MAP3K13: variants seen among roughly 807,000 people sequenced by gnomAD.
MAP3K13 encodes mitogen-activated protein kinase kinase kinase 13, also known as leucine zipper-bearing kinase.
MAP3K13 carries 52 observed loss-of-function variants against 104.0 expected under a neutral mutation model. That is an observed-to-expected ratio of 0.50 (90% CI 0.40 to 0.63). The LOEUF (loss-of-function observed/expected upper bound fraction) is 0.63. Among genes scored for constraint, MAP3K13 ranks in the 20% least tolerant of loss-of-function variants. The pLI is 0.00. For synonymous variants in MAP3K13, 394 were observed against 442.2 expected (o/e 0.89, Z 1.37); for missense variants, 914 against 1,218.5 (o/e 0.75, Z 3.72).
At chr3:185,396,994 A>G (rs1407955719) in intron 1 of MAP3K13, among the ~76,000 whole-genome samples, 1 of 151,974 alleles carries the variant, frequency 6.6e-6, no homozygotes, top group African/African-American at 2.4e-5. Context: ...TTCTATACCT[A>G]GAGGATGACA....
At chr3:185,324,628 T>G (rs1159313853) in intron 2 of MAP3K13, among the ~76,000 whole-genome samples, 1 of 152,162 alleles carries the variant, frequency 6.6e-6, no homozygotes, top group Non-Finnish European at 1.5e-5. Flanking sequence ...ATGCTTTCTT[T>G]TCTAATGTTC....
chr3:185,378,321 G>A (rs1485316741), intron 1 of MAP3K13, among the ~76,000 whole-genome samples: 1 of 152,132 alleles, frequency 6.6e-6, no homozygotes, highest in Admixed American at 6.5e-5. Flanking sequence ...GCATCTCAGG[G>A]TTGCTGCCAA....
chr3:185,313,199 A>AAAAAAAAAG (rs1721553265), intron 2 of MAP3K13, among the ~76,000 whole-genome samples: 1 of 148,910 alleles, frequency 6.7e-6, no homozygotes. Flanking sequence ...AAAAAAAAAA[A>AAAAAAAAAG]GGGGAAAATG....
At chr3:185,428,463 G>A (rs1313584735) in intron 1 of MAP3K13, 34 bp from the exon 2 acceptor site, 1 of 1,357,824 alleles carries the variant, frequency 7.4e-7, no homozygotes, top group African/African-American at 1.5e-5. Context: ...ACTAAAGAAA[G>A]GATGATCTCT....
chr3:185,418,151 T>A lies in MAP3K13; in HGVS notation c.-85-10346T>A. On this transcript the variant is annotated intron_variant, in intron 1 of 13. Transcript: ENST00000265026. The surrounding 1 kb of genome is among the most constrained non-coding windows in gnomAD (Gnocchi z 4.5). Reference sequence around the variant, plus strand: ...ATGATACCATTATCCTCATTATAGATGATGCACAGGCCCCTGCGCTGGATA... The same window carrying A: ...ATGATACCATTATCCTCATTATAGAAGATGCACAGGCCCCTGCGCTGGATA... The A allele has an allele frequency of 6.2e-7, 1 of 1,609,304 alleles. No individual in the cohort carries two copies. Among genetic ancestry groups the A allele is most frequent in the African/African-American group, 1.3e-5 (1 of 74,924 alleles).
intron 1 of MAP3K13, among the ~76,000 whole-genome samples, chr3:185,421,601 G>T (rs1406048921): frequency 1.3e-5 from 2 of 151,916 alleles, no homozygotes; most frequent in Admixed American, 6.6e-5. Flanking sequence ...CAAAAATCTT[G>T]CCCCACTTCC....
chr3:185,393,967 G>A (rs1018297001), intron 1 of MAP3K13, among the ~76,000 whole-genome samples: 4 of 152,154 alleles, frequency 2.6e-5, no homozygotes, highest in Admixed American at 6.5e-5. Context: ...TAGCAAGGAG[G>A]AATGAAAGAG....
intron 13 of MAP3K13, among the ~76,000 whole-genome samples, chr3:185,480,929 T>C (rs967767160): frequency 1.3e-5 from 2 of 152,152 alleles, no homozygotes; most frequent in African/African-American, 4.8e-5. Context: ...ACTCCCATGA[T>C]CTAGTCACTT....
At chr3:185,461,519 G>A (rs1717100239) in intron 7 of MAP3K13, among the ~76,000 whole-genome samples, 1 of 151,822 alleles carries the variant, frequency 6.6e-6, no homozygotes, top group Admixed American at 6.6e-5. Context: ...TTCTATTATT[G>A]TTGTACACTT....
chr3:185,488,182 A>G lies in MAP3K13; in HGVS notation c.*5726A>G, dbSNP rs992010882. On this transcript the variant is annotated 3_prime_UTR_variant, in exon 14 of 14. Transcript: ENST00000265026. The stretch of plus-strand genomic sequence containing the variant: ...TTAGACTCTGTGAGACTCATGTACC[A>G]AAACAATGTGACATTCTTTTCGAGA... 4.6e-5 allele frequency: 7 copies of G among 152,248 alleles called. No individual in the cohort carries two copies. The highest frequency in any genetic ancestry group is 9.6e-5 in the African/African-American group (4 of 41,470). The allele number at this position is 152,248 out of a possible 1,614,324, so 9.4% of individuals were successfully genotyped here. A position where few individuals can be genotyped will look rare whatever the true frequency, so the allele number is the denominator to read the frequency against.
chr3:185,444,008 A>G (rs1715463291), intron 4 of MAP3K13, among the ~76,000 whole-genome samples: 1 of 152,222 alleles, frequency 6.6e-6, no homozygotes, highest in Non-Finnish European at 1.5e-5. Context: ...ACTGAGTTTC[A>G]GAAATGTATA....
intron 2 of MAP3K13, among the ~76,000 whole-genome samples, chr3:185,326,066 T>C (rs1722031876): frequency 6.6e-6 from 1 of 152,182 alleles, no homozygotes; most frequent in Admixed American, 6.5e-5. Flanking sequence ...GTCCTGAATA[T>C]TGAGTTTTCC....
chr3:185,359,004 T>C (rs1362026492), upstream of MAP3K13, among the ~76,000 whole-genome samples: 1 of 152,222 alleles, frequency 6.6e-6, no homozygotes, highest in African/African-American at 2.4e-5. Flanking sequence ...GGGTCACTAA[T>C]AGATATTTTT....
rs1268459277 is a variant in MAP3K13 at position 185,455,681 on chromosome 3, GATAT to G, written c.1278+4293_1278+4296del. Among the ~76,000 whole-genome samples the G allele has an allele frequency of 9.8e-4, 8 of 8,174 alleles. 1 individual carries two copies. Among genetic ancestry groups the G allele is most frequent in the African/African-American group, 2.1e-3 (8 of 3,868 alleles). 5.4% of individuals were successfully genotyped at this position (8,174 alleles called of 152,430 possible). On this transcript the variant is annotated intron_variant, in intron 7 of 13. Coordinates refer to ENST00000265026, the MANE Select transcript of MAP3K13 (RefSeq NM_004721.5). ...TGATATATATATGATATATATATGA[GATAT>G]ATATATGATATATATATGAGATATA...
chr3:185,337,665 A>G (rs1025797461), intron 2 of MAP3K13, among the ~76,000 whole-genome samples: 1 of 152,188 alleles, frequency 6.6e-6, no homozygotes, highest in Non-Finnish European at 1.5e-5. Context: ...TATAACTCTA[A>G]TACTTATTAA....
upstream of MAP3K13, among the ~76,000 whole-genome samples, chr3:185,362,307 A>G (rs1238055048): frequency 6.6e-6 from 1 of 152,262 alleles, no homozygotes; most frequent in Non-Finnish European, 1.5e-5. Context: ...AAAATAAAGA[A>G]GAAAGAGATG....
chr3:185,410,039 T>G (rs1416851242), intron 1 of MAP3K13, among the ~76,000 whole-genome samples: 1 of 152,190 alleles, frequency 6.6e-6, no homozygotes, highest in Non-Finnish European at 1.5e-5. Context: ...GAATGTGCAG[T>G]TCACAATAGG....
chr3:185,417,092 A>G (rs949324640), intron 1 of MAP3K13, among the ~76,000 whole-genome samples: 6 of 152,174 alleles, frequency 3.9e-5, no homozygotes, highest in African/African-American at 1.4e-4. Context: ...AAGGAAAAGA[A>G]AAGAAGGAAA....
At chr3:185,464,157 C>T (rs539890739) in intron 8 of MAP3K13, among the ~76,000 whole-genome samples, 2 of 152,150 alleles carry the variant, frequency 1.3e-5, no homozygotes, top group East Asian at 1.9e-4. Context: ...TGGTGGCGCA[C>T]GATGCCTGTG....
Sources: gnomAD v4.1 joint callset for allele counts (sites outside exome capture counted in the v4.1 genomes callset) on GRCh38, gnomAD v4.1.1 for gene constraint, Gnocchi (gnomAD v3.1) non-coding constraint, MANE v1.5 for transcripts, NCBI Gene and HGNC (gene_info 2026-07-23, HGNC 2026-07-21) for gene names.